The following SPAG16 variants were observed in gnomAD, a reference collection of about 807,000 sequenced individuals.
The protein encoded by SPAG16 is sperm associated antigen 16.
A neutral mutation model predicts 80.4 loss-of-function variants in SPAG16; 86 were observed. The observed-to-expected ratio is 1.07, with a 90% CI of 0.90 to 1.28. The LOEUF is 1.28. SPAG16 is among the 50% of genes most tolerant of loss of function. The pLI is 0.00. For missense variants in SPAG16, 870 were observed against 765.3 expected, an observed-to-expected ratio of 1.14 and a Z score of -1.61; for synonymous variants, 294 against 265.9, an observed-to-expected ratio of 1.11 and a Z score of -1.03.
chr2:214,331,748 T>A (rs55909135), intron 15 of SPAG16, among the ~76,000 whole-genome samples: 4,279 of 152,308 alleles, frequency 0.028, 207 homozygotes, highest in African/African-American at 0.098. Context: ...CTTGAGCACA[T>A]TTCTACATCT....
At chr2:214,053,227 T>C (rs1432434106) in intron 13 of SPAG16, among the ~76,000 whole-genome samples, 4 of 152,172 alleles carry the variant, frequency 2.6e-5, no homozygotes, top group Non-Finnish European at 5.9e-5. Context: ...TTAATTCCAT[T>C]TGAGCAAAAA....
At chr2:214,082,146 G>A (rs942265380) in intron 13 of SPAG16, among the ~76,000 whole-genome samples, 1 of 152,212 alleles carries the variant, frequency 6.6e-6, no homozygotes, top group Non-Finnish European at 1.5e-5. Context: ...ATGTCCTGCA[G>A]CTGGATCGAG....
At chr2:214,267,170 A>T (rs888853579) in intron 15 of SPAG16, among the ~76,000 whole-genome samples, 5 of 151,812 alleles carry the variant, frequency 3.3e-5, no homozygotes, top group African/African-American at 4.8e-5. Context: ...AAAGATTTTT[A>T]AAAAAAGATT....
At chr2:213,292,721 A>G (rs2062343320) in intron 1 of SPAG16, among the ~76,000 whole-genome samples, 1 of 151,616 alleles carries the variant, frequency 6.6e-6, no homozygotes, top group Non-Finnish European at 1.5e-5. Flanking sequence ...ATATAAATCT[A>G]TAACTGGAGG....
chr2:213,969,461 G>T (rs2106375192), intron 12 of SPAG16, among the ~76,000 whole-genome samples: 1 of 152,276 alleles, frequency 6.6e-6, no homozygotes. Context: ...AGGTATTTGG[G>T]AGGTGATTAA....
chr2:213,480,585 T>C (rs2073696773), intron 9 of SPAG16, among the ~76,000 whole-genome samples: 1 of 152,240 alleles, frequency 6.6e-6, no homozygotes, highest in African/African-American at 2.4e-5. Context: ...CAAAAGCTGT[T>C]ACATTAATTC....
intron 1 of SPAG16, chr2:213,284,899 G>C: frequency 9.5e-6 from 4 of 421,276 alleles, no homozygotes; most frequent in Non-Finnish European, 1.7e-5. Context: ...TTTGGATGGA[G>C]GGTTGCTTTT....
intron 15 of SPAG16, among the ~76,000 whole-genome samples, chr2:214,342,575 C>G (rs116064848): frequency 6.6e-6 from 1 of 151,872 alleles, no homozygotes; most frequent in Non-Finnish European, 1.5e-5. Context: ...AAAACACGCT[C>G]AGGGCTCCCA....
chr2:213,476,815 C>T (rs531183485), intron 9 of SPAG16, among the ~76,000 whole-genome samples: 3 of 138,460 alleles, frequency 2.2e-5, no homozygotes, highest in African/African-American at 7.4e-5. Context: ...TCGCTGCCCA[C>T]AGCTTGGTGA....
At chr2:214,398,444 C>G (rs1372172637) in intron 15 of SPAG16, among the ~76,000 whole-genome samples, 1 of 152,184 alleles carries the variant, frequency 6.6e-6, no homozygotes, top group Non-Finnish European at 1.5e-5. Flanking sequence ...ATAGCTAAAT[C>G]ATGCGTGCCT....
intron 10 of SPAG16, among the ~76,000 whole-genome samples, chr2:213,601,619 G>A (rs899454672): frequency 6.6e-5 from 10 of 151,460 alleles, no homozygotes; most frequent in African/African-American, 2.2e-4. Flanking sequence ...ATAAAGTCAG[G>A]TGCTGCATAA....
chr2:213,711,754 A>G (rs1194670996), intron 10 of SPAG16, among the ~76,000 whole-genome samples: 1 of 151,996 alleles, frequency 6.6e-6, no homozygotes, highest in African/African-American at 2.4e-5. Flanking sequence ...TCCTGACCTC[A>G]GGTGATCTGC....
At chr2:213,528,304 A>T (rs1490664537) in intron 10 of SPAG16, among the ~76,000 whole-genome samples, 10 of 152,112 alleles carry the variant, frequency 6.6e-5, no homozygotes, top group Non-Finnish European at 1.5e-4. Flanking sequence ...AGTCTTTGGC[A>T]GGGGGTGGGG....
At position 213,846,425 on chromosome 2, in the gene SPAG16, G is replaced by A. The variant is rs113990271; in HGVS notation, c.1071-16060G>A. Among the ~76,000 whole-genome samples, 4 of 152,150 alleles carry A rather than the reference G, an allele frequency of 2.6e-5. 1 individual carries two copies. Among genetic ancestry groups the A allele is most frequent in the African/African-American group, 9.6e-5 (4 of 41,546 alleles). On this transcript the variant is annotated intron_variant, in intron 10 of 15. Coordinates refer to ENST00000331683, the MANE Select transcript of SPAG16 (RefSeq NM_024532.5). ...ATTTTAACATTTCATTGTAATGGAA[G>A]TAGCTTATTTTACTCACCTTTTTTG...
At chr2:213,299,845 A>G (rs1337567541) in intron 3 of SPAG16, among the ~76,000 whole-genome samples, 1 of 152,138 alleles carries the variant, frequency 6.6e-6, no homozygotes, top group East Asian at 1.9e-4. Flanking sequence ...TAAGTATTTT[A>G]CAGGTATGAA....
At chr2:213,814,302 C>A (rs966575816) in intron 10 of SPAG16, among the ~76,000 whole-genome samples, 1 of 152,128 alleles carries the variant, frequency 6.6e-6, no homozygotes, top group Non-Finnish European at 1.5e-5. Context: ...GGCTGAGGCC[C>A]ACCTAATTAT....
At chr2:213,879,003 A>G (rs1054199403) in intron 11 of SPAG16, among the ~76,000 whole-genome samples, 5 of 151,882 alleles carry the variant, frequency 3.3e-5, no homozygotes, top group South Asian at 2.1e-4. Context: ...TGTTCTGTCA[A>G]TCTGTTGTCT....
At chr2:214,189,089 T>C (rs2057573543) in intron 15 of SPAG16, among the ~76,000 whole-genome samples, 1 of 152,168 alleles carries the variant, frequency 6.6e-6, no homozygotes, top group African/African-American at 2.4e-5. Flanking sequence ...TGTATAAGTA[T>C]GTTGTATTGC....
intron 6 of SPAG16, among the ~76,000 whole-genome samples, chr2:213,349,668 A>G (rs532147561): frequency 2.6e-5 from 4 of 152,340 alleles, no homozygotes; most frequent in South Asian, 2.1e-4. Flanking sequence ...AAAATATTGG[A>G]TAACCACATT....
Sources: gnomAD v4.1 joint callset for allele counts (sites outside exome capture counted in the v4.1 genomes callset) on GRCh38, gnomAD v4.1.1 for gene constraint, MANE v1.5 for transcripts, NCBI Gene and HGNC (gene_info 2026-07-23, HGNC 2026-07-21) for gene names.